CTNNA3: variants seen among roughly 807,000 people sequenced by gnomAD.
CTNNA3 encodes catenin alpha 3.
Under a neutral mutation model 95.7 loss-of-function variants are expected in CTNNA3, and 76 were observed. The observed-to-expected ratio is 0.79, with a 90% CI of 0.66 to 0.96. The LOEUF (loss-of-function observed/expected upper bound fraction) is 0.96. CTNNA3 is among the 40% of genes least tolerant of loss of function. The pLI is 0.00. For synonymous variants in CTNNA3, 431 were observed against 374.4 expected, an observed-to-expected ratio of 1.15 and a Z score of -1.74; for missense variants, 1,191 against 1,089.8, an observed-to-expected ratio of 1.09 and a Z score of -1.31.
Position 66,227,665 on chromosome 10 carries a change from A to G in CTNNA3, c.1884+52805T>C, listed in dbSNP as rs77351492. Among the ~76,000 whole-genome samples, 781 of 152,254 alleles carry G rather than the reference A, an allele frequency of 5.1e-3. 2 individuals are homozygous for G. The highest frequency in any genetic ancestry group is 0.018 in the African/African-American group (749 of 41,544). The stretch of plus-strand genomic sequence containing the variant: ...TGTTGTGTCCTTGTCTGGTTTTGGT[A>G]TCAGGGTAATGCTTCCCTTATAAAA... On this transcript the variant is annotated intron_variant, in intron 13 of 17. Transcript: ENST00000433211.
In CTNNA3 at chr10:66,720,423, T is replaced by C. The variant is rs551480227; in HGVS notation, c.1281+45841A>G. ...CATTTGCAACAAGTTGATAGGGCCA[T>C]TGCCGTGCAGGTTTGGCTGGTCCTG... is the stretch of plus-strand genomic sequence containing the variant. On this transcript the variant is annotated intron_variant, in intron 9 of 17. Coordinates refer to ENST00000433211, the MANE Select transcript of CTNNA3 (RefSeq NM_013266.4). Among the ~76,000 whole-genome samples the C allele has an allele frequency of 8.7e-4, 132 of 152,276 alleles. 1 individual carries two copies. Among genetic ancestry groups the C allele is most frequent in the Admixed American group, 3.4e-3 (52 of 15,286 alleles).
At chr10:67,598,438 C>T (rs903222978) in intron 3 of CTNNA3, among the ~76,000 whole-genome samples, 79 of 151,986 alleles carry the variant, frequency 5.2e-4, no homozygotes, top group African/African-American at 1.8e-3. Flanking sequence ...CCAACTTCCT[C>T]CCCCCTTCAG....
At chr10:67,637,319 G>A (rs1483483848) in intron 2 of CTNNA3, among the ~76,000 whole-genome samples, 1 of 152,098 alleles carries the variant, frequency 6.6e-6, no homozygotes, top group Non-Finnish European at 1.5e-5. Context: ...AGAGAAAAAA[G>A]AATAAAAAGA....
chr10:66,620,223 A>C (rs2132313005), intron 10 of CTNNA3, among the ~76,000 whole-genome samples: 2 of 152,278 alleles, frequency 1.3e-5, no homozygotes, highest in South Asian at 4.1e-4. Context: ...AAAATAATTA[A>C]AAGATAAATC....
At chr10:66,223,733 G>T (rs994543895) in intron 13 of CTNNA3, among the ~76,000 whole-genome samples, 11 of 152,162 alleles carry the variant, frequency 7.2e-5, no homozygotes, top group African/African-American at 2.7e-4. Flanking sequence ...TTAATTTTAT[G>T]TATCAACTTT....
At chr10:67,058,732 G>T (rs961479355) in intron 7 of CTNNA3, among the ~76,000 whole-genome samples, 10 of 152,096 alleles carry the variant, frequency 6.6e-5, no homozygotes, top group Non-Finnish European at 1.3e-4. Context: ...TTTTGCAAGG[G>T]TTACCTGTTG....
intron 9 of CTNNA3, among the ~76,000 whole-genome samples, chr10:66,698,558 A>G (rs1262027650): frequency 6.6e-6 from 1 of 152,226 alleles, no homozygotes; most frequent in Non-Finnish European, 1.5e-5. Context: ...CATAATCCTC[A>G]TCAGTAACAC....
rs1199945183 is a variant in CTNNA3, at chr10:66,069,389, A to G, written c.2078T>C (p.Ile693Thr). Residue 693 changes from isoleucine (I) to threonine (T), a missense_variant, in exon 15 of 18, where the codon ATA becomes ACA. Physicochemically the swap from Ile to Thr is moderately conservative, Grantham distance 89. Transcript: ENST00000433211. Reference protein sequence around the residue: ...VKSKLDAEIEIWDDTSNDIIV... With the variant: ...VKSKLDAEIETWDDTSNDIIV... ...GATGTCGTTGCTTGTATCATCCCAT[A>G]TCTCAATCTCAGCATCCAGCTTACT... is the stretch of plus-strand genomic sequence containing the variant. 6.2e-7 allele frequency: 1 copy of G among 1,613,684 alleles called. No individual in the cohort carries two copies. The highest frequency in any genetic ancestry group is 8.5e-7 in the Non-Finnish European group (1 of 1,179,724).
chr10:67,176,166 A>G (rs933962578), intron 7 of CTNNA3, among the ~76,000 whole-genome samples: 3 of 152,178 alleles, frequency 2.0e-5, no homozygotes, highest in Non-Finnish European at 2.9e-5. Context: ...AAATGCAGAG[A>G]TTAAGATAAA....
At chr10:66,256,296 CT>C (rs1398524009) in intron 13 of CTNNA3, among the ~76,000 whole-genome samples, 9 of 152,310 alleles carry the variant, frequency 5.9e-5, no homozygotes, top group African/African-American at 1.4e-4. Flanking sequence ...TGGCTGTACA[CT>C]TTCTAAGTCA....
chr10:66,061,950 T>G (rs1000975172), intron 15 of CTNNA3, among the ~76,000 whole-genome samples: 6 of 152,154 alleles, frequency 3.9e-5, no homozygotes, highest in South Asian at 2.1e-4. Flanking sequence ...AAAGAACTGA[T>G]TGGGTCTTAT....
intron 6 of CTNNA3, among the ~76,000 whole-genome samples, chr10:67,200,979 C>T (rs989188703): frequency 2.6e-5 from 4 of 152,244 alleles, no homozygotes; most frequent in Middle Eastern, 3.4e-3. Flanking sequence ...TTGACCCCAA[C>T]GGATGCTCTC....
chr10:67,081,939 G>A (rs1184324341), intron 7 of CTNNA3, among the ~76,000 whole-genome samples: 1 of 152,076 alleles, frequency 6.6e-6, no homozygotes, highest in East Asian at 1.9e-4. Context: ...TAAAGACTTA[G>A]AGCTCCTTGA....
At chr10:66,669,988 T>C (rs926959360) in intron 9 of CTNNA3, among the ~76,000 whole-genome samples, 4 of 152,034 alleles carry the variant, frequency 2.6e-5, no homozygotes, top group African/African-American at 9.7e-5. Flanking sequence ...GTCTTCTAAA[T>C]CAAAGCTCAT....
rs140380183 is a variant in CTNNA3, at chr10:66,514,717, C to T, written c.1531+5900G>A. On this transcript the variant is annotated intron_variant, in intron 11 of 17. Coordinates refer to ENST00000433211, the MANE Select transcript of CTNNA3 (RefSeq NM_013266.4). ...AATTATGGAATATTAAATAAATAAA[C>T]GAAGGAATAAATAAAAGAAAGGTTG... 3.2e-4 allele frequency among the ~76,000 whole-genome samples: 48 copies of T among 152,046 alleles called. No homozygotes were observed. The East Asian group carries it at 3.3e-3, about 10-fold the overall frequency.
At chr10:66,248,871 C>T (rs1112381) in intron 13 of CTNNA3, among the ~76,000 whole-genome samples, 51,967 of 151,858 alleles carry the variant, frequency 0.34, 9,798 homozygotes, top group East Asian at 0.43. Context: ...AACTGGAGGA[C>T]TCACATTATC....
At chr10:66,206,724 A>G (rs2087781596) in intron 13 of CTNNA3, among the ~76,000 whole-genome samples, 1 of 151,912 alleles carries the variant, frequency 6.6e-6, no homozygotes, top group Admixed American at 6.6e-5. Flanking sequence ...CTGGCCAATT[A>G]AGAGAAGATT....
chr10:67,698,605 A>G (rs563841330), upstream of CTNNA3, among the ~76,000 whole-genome samples: 1 of 152,332 alleles, frequency 6.6e-6, no homozygotes, highest in Non-Finnish European at 1.5e-5. Flanking sequence ...AGTCCATTTC[A>G]TCTGTCCATA....
intron 13 of CTNNA3, among the ~76,000 whole-genome samples, chr10:66,212,234 C>T (rs2088216567): frequency 6.6e-6 from 1 of 152,064 alleles, no homozygotes; most frequent in African/African-American, 2.4e-5. Flanking sequence ...ACGTGATCCA[C>T]CCACCTCGGC....
Sources: allele counts gnomAD v4.1 joint callset (sites outside exome capture counted in the v4.1 genomes callset), GRCh38; gene constraint gnomAD v4.1.1; transcripts MANE v1.5; gene names NCBI Gene and HGNC (gene_info 2026-07-23, HGNC 2026-07-21).